TMEM128: variants seen among roughly 807,000 people sequenced by gnomAD.
The protein encoded by TMEM128 is transmembrane protein 128.
In TMEM128, 16 loss-of-function variants were observed where a neutral mutation model predicts 19.7. The observed-to-expected ratio is 0.81, with a 90% CI of 0.55 to 1.23. The LOEUF is 1.23. Ranked by LOEUF, TMEM128 falls within the 50% of genes most tolerant of loss-of-function variation. The pLI, the probability that TMEM128 is intolerant of heterozygous loss-of-function variation, is 0.00. For missense variants in TMEM128, 237 were observed against 200.8 expected (o/e 1.18, Z -1.09); for synonymous variants, 98 against 75.8 (o/e 1.29, Z -1.52).
intron 2 of TMEM128, among the ~76,000 whole-genome samples, chr4:4,245,102 C>A (rs1485196482): frequency 1.3e-5 from 2 of 152,118 alleles, no homozygotes; most frequent in Non-Finnish European, 2.9e-5. Context: ...TTCCTACCCC[C>A]ACTGGTACTT....
intron 3 of TMEM128, among the ~76,000 whole-genome samples, chr4:4,239,004 T>G (rs1011796022): frequency 2.6e-5 from 4 of 151,966 alleles, no homozygotes; most frequent in Non-Finnish European, 4.4e-5. Context: ...GCCACTGCAC[T>G]CCGGCCTGGG....
intron 1 of TMEM128, 150 bp downstream of exon 1, chr4:4,247,956 C>T: frequency 7.0e-7 from 1 of 1,436,942 alleles, no homozygotes; most frequent in Admixed American, 2.8e-5. Flanking sequence ...GCACAGCACT[C>T]CGCGATTCTA....
intron 2 of TMEM128, among the ~76,000 whole-genome samples, chr4:4,243,868 A>G (rs1219025268): frequency 6.6e-6 from 1 of 152,090 alleles, no homozygotes; most frequent in Non-Finnish European, 1.5e-5. Flanking sequence ...ATTTCTCTAA[A>G]CTACTAAAAA....
intron 2 of TMEM128, among the ~76,000 whole-genome samples, chr4:4,245,560 C>T (rs965375313): frequency 7.9e-5 from 12 of 152,224 alleles, no homozygotes; most frequent in African/African-American, 2.6e-4. Flanking sequence ...GGATTAGGTT[C>T]TTCTTAAATT....
chr4:4,244,202 G>A (rs3952913), intron 2 of TMEM128, among the ~76,000 whole-genome samples: 46,922 of 151,986 alleles, frequency 0.31, 7,843 homozygotes, highest in East Asian at 0.46. Context: ...CCAGCCAGGT[G>A]CAGTGGCTCA....
In TMEM128 at chr4:4,237,905, C is replaced by A. The variant is rs201632772; in HGVS notation, c.429G>T (p.Ser143=). The A allele has an allele frequency of 6.3e-7, 1 of 1,590,430 alleles. No homozygotes were observed. The highest frequency in any genetic ancestry group is 1.8e-5 in the Admixed American group (1 of 56,744). Residue 143 remains serine (S), a synonymous_variant, in exon 4 of 5, where the codon TCG becomes TCT. Coordinates refer to ENST00000382753, the MANE Select transcript of TMEM128 (RefSeq NM_001297551.2). ...CFNIALWHVW[S]FFTPLLLFTQ... is the part of the protein sequence containing the mutation. ...TAAACAACAACAATGGAGTGAAAAA[C>A]GACCACACATGCCATAAAGCAATGT...
chr4:4,239,043 G>T (rs374182539), intron 3 of TMEM128, among the ~76,000 whole-genome samples: 2 of 150,058 alleles, frequency 1.3e-5, no homozygotes, highest in Admixed American at 1.3e-4. Flanking sequence ...TCTCCAAAAA[G>T]AAAAAAAAAT....
chr4:4,242,560 C>T (rs1718005472), intron 2 of TMEM128, among the ~76,000 whole-genome samples: 1 of 151,644 alleles, frequency 6.6e-6, no homozygotes, highest in African/African-American at 2.4e-5. Flanking sequence ...CTGTTGTTGC[C>T]CAGGCTGGAG....
chr4:4,244,093 G>A (rs995372177), intron 2 of TMEM128, among the ~76,000 whole-genome samples: 9 of 152,108 alleles, frequency 5.9e-5, no homozygotes, highest in Non-Finnish European at 8.8e-5. Flanking sequence ...CACCTTCCAC[G>A]TGTTTGGCAC....
intron 2 of TMEM128, among the ~76,000 whole-genome samples, chr4:4,244,892 G>A (rs1342607663): frequency 6.6e-6 from 1 of 152,188 alleles, no homozygotes; most frequent in South Asian, 2.1e-4. Context: ...GGCAGAAGAT[G>A]GGAGTGTTTA....
rs1489506102 is a variant in TMEM128, at chr4:4,240,318, T to C, written c.398+3A>G. The stretch of plus-strand genomic sequence containing the variant: ...CCTGTTAGTCATTTCAAAGTTAACT[T>C]ACCAAATTCCTGCTGCAATAAAGGA... On this transcript the variant is annotated splice_donor_region_variant and intron_variant, in intron 3 of 4. Coordinates refer to ENST00000382753, the MANE Select transcript of TMEM128 (RefSeq NM_001297551.2). The C allele has an allele frequency of 1.9e-6, 3 of 1,613,414 alleles. No individual in the cohort carries two copies. The highest frequency in any genetic ancestry group is 2.7e-5 in the African/African-American group (2 of 75,036).
At chr4:4,248,048 G>A in intron 1 of TMEM128, 58 bp downstream of exon 1, 2 of 1,527,376 alleles carry the variant, frequency 1.3e-6, no homozygotes, top group Non-Finnish European at 1.8e-6. Flanking sequence ...GCCGGAGGCC[G>A]GCCGTTTTCC....
rs371605878 is a variant in TMEM128 at position 4,246,378 on chromosome 4, C to T, written c.98-35G>A. On this transcript the variant is annotated intron_variant, in intron 1 of 4. Transcript: ENST00000382753. ...AGGGAGATTTCAACTTATTAAGTTA[C>T]CACAATTTTGCGAGGAAAAATTACA... The T allele has an allele frequency of 8.9e-6, 14 of 1,570,304 alleles. No homozygotes were observed. In the African/African-American group the frequency reaches 1.1e-4, roughly 12 times the overall value.
chr4:4,237,766 T>C (rs1252587406), intron 4 of TMEM128, 61 bp downstream of exon 4: 1 of 1,054,270 alleles, frequency 9.5e-7, no homozygotes, highest in Non-Finnish European at 1.4e-6. Flanking sequence ...CACTGAAAAT[T>C]GTCATAAAAG....
At chr4:4,243,881 C>T (rs1204223612) in intron 2 of TMEM128, among the ~76,000 whole-genome samples, 1 of 152,104 alleles carries the variant, frequency 6.6e-6, no homozygotes, top group Admixed American at 6.5e-5. Context: ...ACTAAAAATA[C>T]CCAATATAAG....
chr4:4,247,967 A>C, intron 1 of TMEM128, 139 bp downstream of exon 1: 1 of 1,440,410 alleles, frequency 6.9e-7, no homozygotes, highest in Non-Finnish European at 9.1e-7. Context: ...CGCGATTCTA[A>C]GGATCTTCCC....
At position 4,238,666 on chromosome 4, in the gene TMEM128, C is replaced by A. The variant is rs189009720; in HGVS notation, c.399-731G>T. ...ACAATAACCACATCACACTGTCAAA[C>A]AACCTTGAACTTCAACTACAGAAAA... On this transcript the variant is annotated intron_variant, in intron 3 of 4. Coordinates refer to ENST00000382753, the MANE Select transcript of TMEM128 (RefSeq NM_001297551.2). Among the ~76,000 whole-genome samples, 671 of 152,276 alleles carry A rather than the reference C, an allele frequency of 4.4e-3. 5 individuals are homozygous for A. Among genetic ancestry groups the A allele is most frequent in the African/African-American group, 0.015 (643 of 41,554 alleles).
intron 2 of TMEM128, among the ~76,000 whole-genome samples, chr4:4,245,801 AAT>A (rs1268516284): frequency 6.6e-6 from 1 of 151,882 alleles, no homozygotes; most frequent in Non-Finnish European, 1.5e-5. Context: ...CATATATATG[AAT>A]ATATATATAC....
chr4:4,246,380 A>T, intron 1 of TMEM128, 37 bp from the exon 2 acceptor site: 3 of 1,572,212 alleles, frequency 1.9e-6, no homozygotes, highest in Non-Finnish European at 2.6e-6. Flanking sequence ...TTAAGTTACC[A>T]CAATTTTGCG....
Sources: allele counts gnomAD v4.1 joint callset (sites outside exome capture counted in the v4.1 genomes callset), GRCh38; gene constraint gnomAD v4.1.1; transcripts MANE v1.5; gene names NCBI Gene and HGNC (gene_info 2026-07-23, HGNC 2026-07-21).